CASP1: variants seen among roughly 807,000 people sequenced by gnomAD.
CASP1 encodes the protein caspase 1.
A neutral mutation model predicts 41.2 loss-of-function variants in CASP1; 31 were observed. That is an observed-to-expected ratio of 0.75 (90% confidence interval 0.57 to 1.02). The LOEUF (loss-of-function observed/expected upper bound fraction) is 1.02, where lower values mean the gene tolerates loss of function less well. Among genes scored for constraint, CASP1 ranks in the 50% least tolerant of loss-of-function variants. CASP1 has a pLI of 0.00. For synonymous variants in CASP1, 163 were observed against 166.5 expected, an observed-to-expected ratio of 0.98 and a Z score of 0.16; for missense variants, 490 against 495.7, an observed-to-expected ratio of 0.99 and a Z score of 0.11.
In CASP1 at chr11:105,025,588, A is replaced by G. The variant is rs919221056; in HGVS notation, c.*670T>C. ...TAATTCCAAAAACCTTTACAGAAGGATCTCTTCACTTCCTATGAGAAAAAG... is the reference window on the plus strand; with the variant it reads ...TAATTCCAAAAACCTTTACAGAAGGGTCTCTTCACTTCCTATGAGAAAAAG... On this transcript the variant is annotated 3_prime_UTR_variant, in exon 9 of 9. Coordinates refer to ENST00000533400, the MANE Select transcript of CASP1 (RefSeq NM_001257118.3). 3.3e-5 allele frequency: 14 copies of G among 422,528 alleles called. No homozygotes were observed. Among genetic ancestry groups the G allele is most frequent in the Non-Finnish European group, 6.5e-5 (14 of 216,098 alleles). The allele number at this position is 422,528 out of a possible 1,614,324, so 26.2% of individuals were successfully genotyped here.
chr11:105,028,176 A>G (rs1863441363), intron 7 of CASP1, among the ~76,000 whole-genome samples: 1 of 152,212 alleles, frequency 6.6e-6, no homozygotes, highest in East Asian at 1.9e-4. Flanking sequence ...GGAAAAAAAA[A>G]TTATTGAGTT....
At chr11:105,034,971 T>A in intron 1 of CASP1, 136 bp downstream of exon 1, 1 of 1,147,484 alleles carries the variant, frequency 8.7e-7, no homozygotes, top group South Asian at 1.3e-5. Flanking sequence ...GTTCCTTCTC[T>A]CCTCCCTCTC....
At chr11:105,030,759 C>T in intron 4 of CASP1, 1 of 431,874 alleles carries the variant, frequency 2.3e-6, no homozygotes, top group Non-Finnish European at 4.1e-6. Context: ...AGCTTTGAAG[C>T]AAAAATGACT....
rs781778272 is a variant in CASP1, at chr11:105,034,197, C to T, written c.274+11G>A. ...CCTAGGTGAACTTGAGTGTAAGTCA[C>T]TGACCCTTACCTGCTGAGAGTCCCA... On this transcript the variant is annotated intron_variant, in intron 2 of 8. Transcript: ENST00000533400. 1.9e-6 allele frequency: 3 copies of T among 1,614,026 alleles called. No homozygotes were observed. The highest frequency in any genetic ancestry group is 1.7e-5 in the Admixed American group (1 of 60,008).
chr11:105,033,822 G>A, intron 2 of CASP1: 1 of 524,926 alleles, frequency 1.9e-6, no homozygotes, highest in South Asian at 1.5e-5. Context: ...AAACCTTAAA[G>A]CTTCATGTGA....
At chr11:105,030,805 T>C (rs1278895067) in intron 4 of CASP1, 1 of 365,428 alleles carries the variant, frequency 2.7e-6, no homozygotes, top group African/African-American at 2.1e-5. Context: ...TTCTGATTGT[T>C]TTTCTTTGGG....
At chr11:105,030,181 G>A in intron 5 of CASP1, 149 bp downstream of exon 5, 1 of 690,280 alleles carries the variant, frequency 1.4e-6, no homozygotes, top group South Asian at 1.9e-5. Context: ...TGTTACAAAG[G>A]ACCATGTAGT....
chr11:105,034,530 T>A, intron 1 of CASP1, 56 bp from the exon 2 acceptor site: 1 of 1,605,146 alleles, frequency 6.2e-7, no homozygotes, highest in Non-Finnish European at 8.5e-7. Flanking sequence ...ATTCCTCTCA[T>A]GTAATCAACA....
rs543112326 is a variant in CASP1 at position 105,026,185 on chromosome 11, C to G, written c.*73G>C. ...TTGACTCAAATGGACTTTCAGTACC[C>G]TTTCCTCAACCTTCCCACACTCCCG... On this transcript the variant is annotated 3_prime_UTR_variant, in exon 9 of 9. Transcript: ENST00000533400. 7.7e-4 allele frequency: 731 copies of G among 954,074 alleles called. 6 individuals are homozygous for G. The South Asian group carries it at 9.7e-3, about 13-fold the overall frequency. 59.1% of individuals were successfully genotyped at this position (954,074 alleles called of 1,614,324 possible).
upstream of CASP1, among the ~76,000 whole-genome samples, chr11:105,035,572 C>A (rs980522521): frequency 1.7e-4 from 23 of 136,588 alleles, no homozygotes; most frequent in African/African-American, 6.3e-4. Flanking sequence ...AGAATTAAAG[C>A]TTTTCTTATT....
At chr11:105,035,683 T>G (rs1365719521), upstream of CASP1, among the ~76,000 whole-genome samples, 1 of 145,036 alleles carries the variant, frequency 6.9e-6, no homozygotes, top group Non-Finnish European at 1.5e-5. Flanking sequence ...TTATTTGACC[T>G]TGGCTCACTG....
At chr11:105,031,703 A>T (rs555960489) in intron 3 of CASP1, among the ~76,000 whole-genome samples, 3 of 152,318 alleles carry the variant, frequency 2.0e-5, no homozygotes, top group Non-Finnish European at 4.4e-5. Context: ...AATATTTTTT[A>T]AAATACATGT....
chr11:105,034,224 C>A lies in CASP1; in HGVS notation c.258G>T (p.Thr86=), dbSNP rs775058244. 2.6e-5 allele frequency: 42 copies of A among 1,613,954 alleles called. 1 individual carries two copies. In the South Asian group the frequency reaches 4.6e-4, roughly 18 times the overall value. ...GACCCTTACCTGCTGAGAGTCCCAG[C>A]GTCCCTGCCAGGTAACTGTCTTCTT... ...ICEEDSYLAG[T]LGLSADQTSG... The change falls in exon 2 of 9, where the codon ACG becomes ACT. Residue 86 remains threonine (T), a synonymous_variant. Coordinates refer to ENST00000533400, the MANE Select transcript of CASP1 (RefSeq NM_001257118.3).
In CASP1 at chr11:105,029,778, T is replaced by C; in HGVS notation, c.749A>G (p.Glu250Gly). Residue 250 changes from glutamate (E) to glycine (G), a missense_variant, in exon 6 of 9, where the codon GAG (glutamate) becomes GGG (glycine). Glu to Gly is a moderately conservative substitution (Grantham distance 98). Coordinates refer to ENST00000533400, the MANE Select transcript of CASP1 (RefSeq NM_001257118.3). ...REGICGKKHS[E>G]QVPDILQLNA... The stretch of plus-strand genomic sequence containing the variant: ...GAGTTGTAGTATATCTGGGACTTGC[T>C]CAGAGTGTTTCTTCCCACAAATGCC... 6.2e-7 allele frequency: 1 copy of C among 1,613,618 alleles called. No individual in the cohort carries two copies. Among genetic ancestry groups the C allele is most frequent in the Non-Finnish European group, 8.5e-7 (1 of 1,179,626 alleles).
intron 5 of CASP1, 110 bp downstream of exon 5, chr11:105,030,220 A>G (rs961376497): frequency 2.4e-5 from 23 of 957,862 alleles, no homozygotes; most frequent in Non-Finnish European, 3.2e-5. Flanking sequence ...GCAAGTTTGT[A>G]TTTTAGATTA....
At position 105,027,213 on chromosome 11, in the gene CASP1, G is replaced by C; in HGVS notation, c.1007-262C>G. 5.0e-6 allele frequency: 3 copies of C among 604,064 alleles called. No homozygotes were observed. In the South Asian group the frequency reaches 6.0e-5, roughly 12 times the overall value. 37.4% of individuals were successfully genotyped at this position (604,064 alleles called of 1,614,324 possible). A position where few individuals can be genotyped will look rare whatever the true frequency, so the allele number is the denominator to read the frequency against. On this transcript the variant is annotated intron_variant, in intron 7 of 8. Transcript: ENST00000533400. ...TTAATAGACTCAGCTAGCTATACAG[G>C]GGATGGTAATAACTCCATACACAAG...
At chr11:105,034,780 C>T in intron 1 of CASP1, 2 of 599,220 alleles carry the variant, frequency 3.3e-6, no homozygotes, top group Non-Finnish European at 2.9e-6. Flanking sequence ...AGAAATAGCC[C>T]ATTTCATTTA....
chr11:105,031,640 T>A (rs1863705919), intron 3 of CASP1, among the ~76,000 whole-genome samples: 1 of 152,128 alleles, frequency 6.6e-6, no homozygotes, highest in Non-Finnish European at 1.5e-5. Context: ...TTTCAAAATA[T>A]TCAAACCCTA....
chr11:105,029,140 G>C lies in CASP1; in HGVS notation c.990C>G (p.Phe330Leu). 2 of 1,613,134 alleles carry C rather than the reference G, an allele frequency of 1.2e-6. No individual in the cohort carries two copies. Among genetic ancestry groups the C allele is most frequent in the Non-Finnish European group, 8.5e-7 (1 of 1,179,464 alleles). Residue 330 changes from phenylalanine to leucine, a missense_variant, in exon 7 of 9, where the codon TTC becomes TTG. Transcript: ENST00000533400. ...ACCTGTTACCTGGTGTGGAAGAGCA[G>C]AAAGCGATAAAATCCTTCTCTATGT... ...KAHIEKDFIA[F>L]CSSTPDNVSW...
Sources: gnomAD v4.1 joint callset for allele counts (sites outside exome capture counted in the v4.1 genomes callset) on GRCh38, gnomAD v4.1.1 for gene constraint, MANE v1.5 for transcripts, NCBI Gene and HGNC (gene_info 2026-07-23, HGNC 2026-07-21) for gene names.